TBC1D1: variants seen among roughly 807,000 people sequenced by gnomAD.
TBC1D1 encodes the protein TBC1 domain family member 1, also known as TBC1 (tre-2/USP6, BUB2, cdc16) domain family, member 1.
TBC1D1 carries 89 observed loss-of-function variants against 125.6 expected under a neutral mutation model. That is an observed-to-expected ratio of 0.71 (90% CI 0.60 to 0.85). TBC1D1 has a LOEUF of 0.85. Among genes scored for constraint, TBC1D1 ranks in the 40% least tolerant of loss-of-function variants. The pLI is 0.00. For missense variants in TBC1D1, 1,377 were observed against 1,469.2 expected, an observed-to-expected ratio of 0.94 and a Z score of 1.03; for synonymous variants, 565 against 564.1, an observed-to-expected ratio of 1.00 and a Z score of -0.02.
intron 2 of TBC1D1, among the ~76,000 whole-genome samples, chr4:37,912,838 G>A (rs1718905582): frequency 6.6e-6 from 1 of 152,182 alleles, no homozygotes. Context: ...CCAGAACTGT[G>A]AGAAATAAAT....
chr4:37,965,731 C>CATTTATTT (rs201957621), intron 2 of TBC1D1, among the ~76,000 whole-genome samples: 1 of 151,908 alleles, frequency 6.6e-6, no homozygotes, highest in Non-Finnish European at 1.5e-5. Context: ...CTGTCATGGA[C>CATTTATTT]ATTTATTTAT....
chr4:38,105,278 G>A (rs764299229), intron 15 of TBC1D1, among the ~76,000 whole-genome samples: 12 of 152,128 alleles, frequency 7.9e-5, no homozygotes, highest in Non-Finnish European at 1.8e-4. Flanking sequence ...TGTGCAAAGG[G>A]ACTTAAACTC....
intron 17 of TBC1D1, among the ~76,000 whole-genome samples, chr4:38,118,814 G>C (rs903607290): frequency 6.6e-6 from 1 of 152,196 alleles, no homozygotes; most frequent in Admixed American, 6.5e-5. Context: ...TGTTAACCTT[G>C]GGTGGTTCAC....
Position 38,115,727 on chromosome 4 carries a change from C to T in TBC1D1, c.2575C>T (p.His859Tyr). Reference sequence around the variant, plus strand: ...TTTCACAGGGCGAACCTTTCCTACACACCCATACTTCTCTGCCCAGCTTGG... The same window carrying T: ...TTTCACAGGGCGAACCTTTCCTACATACCCATACTTCTCTGCCCAGCTTGG... The change falls in exon 16 of 20, where the codon CAC (histidine) becomes TAC (tyrosine). Residue 859 changes from histidine to tyrosine, a missense_variant. Physicochemically the swap from His to Tyr is moderately conservative, Grantham distance 83. Around this residue, in one of 3 missense-constraint regions of TBC1D1, gnomAD observed 543 missense variants for 613.5 expected, o/e 0.89. Coordinates refer to ENST00000261439, the MANE Select transcript of TBC1D1 (RefSeq NM_015173.4). The T allele has an allele frequency of 1.2e-6, 2 of 1,614,054 alleles. No homozygotes were observed. Among genetic ancestry groups the T allele is most frequent in the African/African-American group, 1.3e-5 (1 of 75,044 alleles).
chr4:37,900,972 T>C (rs1451754619), intron 1 of TBC1D1, among the ~76,000 whole-genome samples: 2 of 151,162 alleles, frequency 1.3e-5, no homozygotes, highest in Non-Finnish European at 2.9e-5. Context: ...CTTGGAAGGC[T>C]GAGGCAGGAG....
At chr4:37,961,296 G>A (rs1013006316) in intron 2 of TBC1D1, among the ~76,000 whole-genome samples, 2 of 152,166 alleles carry the variant, frequency 1.3e-5, no homozygotes, top group African/African-American at 4.8e-5. Flanking sequence ...CCAGGGCCAG[G>A]CCAAGAACTT....
At position 38,102,989 on chromosome 4, in the gene TBC1D1, C is replaced by A; in HGVS notation, c.2399-10C>A. 6.2e-7 allele frequency: 1 copy of A among 1,609,076 alleles called. No individual in the cohort carries two copies. Among genetic ancestry groups the A allele is most frequent in the Non-Finnish European group, 8.5e-7 (1 of 1,178,182 alleles). ...ATAAATTATTTCCATGTCTTCTCTCCCTTTTAAAGGTGTGCCACGTCATCA... is the reference window on the plus strand; with the variant it reads ...ATAAATTATTTCCATGTCTTCTCTCACTTTTAAAGGTGTGCCACGTCATCA... On this transcript the variant is annotated splice_polypyrimidine_tract_variant and intron_variant, in intron 14 of 19. Transcript: ENST00000261439.
chr4:37,938,794 C>A (rs1019787583), intron 2 of TBC1D1, among the ~76,000 whole-genome samples: 7 of 152,180 alleles, frequency 4.6e-5, no homozygotes, highest in Middle Eastern at 3.4e-3. Flanking sequence ...TCTGTTCTTG[C>A]GATAGTTTGC....
intron 2 of TBC1D1, among the ~76,000 whole-genome samples, chr4:37,916,588 G>A (rs1167549038): frequency 6.6e-6 from 1 of 152,130 alleles, no homozygotes; most frequent in East Asian, 1.9e-4. Context: ...GCTTGGGGAT[G>A]TCTAATCTGC....
chr4:38,006,857 CT>C, intron 2 of TBC1D1: 1 of 509,800 alleles, frequency 2.0e-6, no homozygotes, highest in East Asian at 5.6e-5. Context: ...CTTTTGTCAT[CT>C]TTGCTCATCC....
At position 37,902,129 on chromosome 4, in the gene TBC1D1, C is replaced by G. The variant is rs1399816951; in HGVS notation, c.34C>G (p.Leu12Val). 3.7e-6 allele frequency: 6 copies of G among 1,609,886 alleles called. No individual in the cohort carries two copies. Among genetic ancestry groups the G allele is most frequent in the Non-Finnish European group, 4.2e-6 (5 of 1,178,358 alleles). ...AATAACATTCACAGCAAGGAAACAT[C>G]TGCTTTCTAACGAGGTCTCGGTGGA... Residue 12 changes from leucine (L) to valine (V), a missense_variant, in exon 2 of 20, where the codon CTG becomes GTG. Transcript: ENST00000261439.
chr4:37,981,238 C>T lies in TBC1D1; in HGVS notation c.418-33271C>T, dbSNP rs113810763. ...GATTACAGGTGTGAGCCATTGCATC[C>T]AGCCCACAGAATCCTTTTGTAAAGC... On this transcript the variant is annotated intron_variant, in intron 2 of 19. Transcript: ENST00000261439. Among the ~76,000 whole-genome samples, 1,073 of 152,300 alleles carry T rather than the reference C, an allele frequency of 7.0e-3. 2 individuals carry two copies. The highest frequency in any genetic ancestry group is 0.013 in the Non-Finnish European group (869 of 68,010).
intron 2 of TBC1D1, among the ~76,000 whole-genome samples, chr4:38,012,108 TA>T (rs1228169586): frequency 6.6e-6 from 1 of 152,232 alleles, no homozygotes; most frequent in Non-Finnish European, 1.5e-5. Context: ...GTGGGGTTAG[TA>T]ATTGGGAAGA....
At chr4:37,952,030 T>G in intron 2 of TBC1D1, 1 of 717,708 alleles carries the variant, frequency 1.4e-6, no homozygotes, top group Non-Finnish European at 2.6e-6. Context: ...GTAGGGGACC[T>G]TTGAAAGAGC....
intron 9 of TBC1D1, among the ~76,000 whole-genome samples, chr4:38,044,987 G>A (rs1749120497): frequency 6.6e-6 from 1 of 152,168 alleles, no homozygotes; most frequent in Non-Finnish European, 1.5e-5. Flanking sequence ...AGTTATCTAA[G>A]GCTTCTTTTT....
Position 37,955,841 on chromosome 4 carries a change from A to T in TBC1D1, c.417+53329A>T, listed in dbSNP as rs577848958. Among the ~76,000 whole-genome samples the T allele has an allele frequency of 7.2e-5, 11 of 152,262 alleles. No homozygotes were observed. In the South Asian group the frequency reaches 1.0e-3, roughly 14 times the overall value. On this transcript the variant is annotated intron_variant, in intron 2 of 19. Coordinates refer to ENST00000261439, the MANE Select transcript of TBC1D1 (RefSeq NM_015173.4). ...TTTTCTATTATGCATATAGATTATA[A>T]TACATATTGTCAGGGCTGGCCGTGG...
At chr4:37,985,202 C>G (rs1160977864) in intron 2 of TBC1D1, among the ~76,000 whole-genome samples, 1 of 152,192 alleles carries the variant, frequency 6.6e-6, no homozygotes, top group Admixed American at 6.5e-5. Flanking sequence ...ATCCGCCTGC[C>G]TCAGCCTCCC....
intron 1 of TBC1D1, among the ~76,000 whole-genome samples, chr4:37,897,029 A>C (rs2995926): frequency 0.16 from 24,297 of 152,036 alleles, 2,130 homozygotes; most frequent in Non-Finnish European, 0.19. Context: ...CTCTACTAAC[A>C]AGAACGTTAC....
intron 2 of TBC1D1, among the ~76,000 whole-genome samples, chr4:37,903,862 A>C (rs1432340243): frequency 1.3e-5 from 2 of 152,132 alleles, no homozygotes; most frequent in African/African-American, 4.8e-5. Context: ...CACACACCCA[A>C]AGGGTAGAGA....
Sources: gnomAD v4.1 joint callset for allele counts (sites outside exome capture counted in the v4.1 genomes callset) on GRCh38, gnomAD v4.1.1 for gene constraint, gnomAD v4.1.1 regional missense constraint, MANE v1.5 for transcripts, NCBI Gene and HGNC (gene_info 2026-07-23, HGNC 2026-07-21) for gene names.